NEGR1: variants seen among roughly 807,000 people sequenced by gnomAD.
The protein encoded by NEGR1 is neuronal growth regulator 1, also known as IgLON family member 4.
A neutral mutation model predicts 40.9 loss-of-function variants in NEGR1; 10 were observed. That is an observed-to-expected ratio of 0.24 (90% CI 0.15 to 0.42). The LOEUF is 0.42. Among genes scored for constraint, NEGR1 ranks in the 10% least tolerant of loss-of-function variants. The pLI is 1.00. For missense variants in NEGR1, 352 were observed against 438.9 expected (o/e 0.80, Z 1.77); for synonymous variants, 185 against 166.8 (o/e 1.11, Z -0.84).
rs996018396 is a variant in NEGR1 at position 71,978,369 on chromosome 1, T to C, written c.177-43058A>G. Among the ~76,000 whole-genome samples, 8 of 152,328 alleles carry C rather than the reference T, an allele frequency of 5.3e-5. No individual in the cohort carries two copies. In the South Asian group the frequency reaches 6.2e-4, roughly 12 times the overall value. ...TTATGTCATGATGCTAAAGTGTATCTCTTTATTTCTTATATTTATTTAATT... is the reference window on the plus strand; with the variant it reads ...TTATGTCATGATGCTAAAGTGTATCCCTTTATTTCTTATATTTATTTAATT... On this transcript the variant is annotated intron_variant, in intron 1 of 6. Transcript: ENST00000357731.
intron 6 of NEGR1, among the ~76,000 whole-genome samples, chr1:71,537,174 G>A (rs1459434948): frequency 6.6e-6 from 1 of 151,596 alleles, no homozygotes; most frequent in African/African-American, 2.4e-5. Context: ...ACAACTATGA[G>A]GTAGATATGA....
chr1:72,037,577 C>T (rs77304475), intron 1 of NEGR1, among the ~76,000 whole-genome samples: 2,086 of 152,188 alleles, frequency 0.014, 21 homozygotes, highest in Middle Eastern at 0.037. Flanking sequence ...CTATAACTGC[C>T]TTCGTTGTCA....
chr1:71,548,377 A>C (rs919760202), intron 6 of NEGR1, among the ~76,000 whole-genome samples: 2 of 151,608 alleles, frequency 1.3e-5, no homozygotes, highest in Non-Finnish European at 3.0e-5. Flanking sequence ...GGCACCCTCC[A>C]TGCTGCCACC....
chr1:72,009,656 C>T (rs1206497248), intron 1 of NEGR1, among the ~76,000 whole-genome samples: 3 of 152,012 alleles, frequency 2.0e-5, no homozygotes, highest in Admixed American at 2.0e-4. Flanking sequence ...AAAGGATTAT[C>T]CATTCAGGAT....
At chr1:71,920,077 A>G (rs2101881991) in intron 2 of NEGR1, among the ~76,000 whole-genome samples, 1 of 152,226 alleles carries the variant, frequency 6.6e-6, no homozygotes, top group South Asian at 2.1e-4. Flanking sequence ...ACTGCTCCCC[A>G]GAGTCCTCCA....
chr1:71,600,787 G>C (rs1433135616), intron 5 of NEGR1, among the ~76,000 whole-genome samples: 1 of 152,168 alleles, frequency 6.6e-6, no homozygotes, highest in Non-Finnish European at 1.5e-5. Context: ...ACACCGACAG[G>C]CTTCATACAT....
At chr1:72,044,787 A>G (rs1343510098) in intron 1 of NEGR1, among the ~76,000 whole-genome samples, 1 of 151,882 alleles carries the variant, frequency 6.6e-6, no homozygotes, top group African/African-American at 2.4e-5. Context: ...AAGGAAAATT[A>G]TCAGATGTAT....
Position 71,675,671 on chromosome 1 carries a change from G to A in NEGR1, c.667+22337C>T, listed in dbSNP as rs191829024. ...TTCAAAGAGATAGTTAGAAACTGAC[G>A]TGTACTACTAAGAGGAAACCAAACA... On this transcript the variant is annotated intron_variant, in intron 4 of 6. Coordinates refer to ENST00000357731, the MANE Select transcript of NEGR1 (RefSeq NM_173808.3). Among the ~76,000 whole-genome samples the A allele has an allele frequency of 2.2e-3, 339 of 152,166 alleles. 3 individuals carry two copies. The highest frequency in any genetic ancestry group is 0.019 in the Admixed American group (286 of 15,278).
intron 2 of NEGR1, among the ~76,000 whole-genome samples, chr1:71,790,081 G>A (rs966687869): frequency 6.6e-6 from 1 of 152,056 alleles, no homozygotes; most frequent in East Asian, 1.9e-4. Context: ...AACTACTTAC[G>A]AAGAAAGAAA....
At chr1:71,628,096 C>T (rs1318703562) in intron 4 of NEGR1, among the ~76,000 whole-genome samples, 1 of 152,014 alleles carries the variant, frequency 6.6e-6, no homozygotes, top group Non-Finnish European at 1.5e-5. Flanking sequence ...TTGAAAATTA[C>T]TTTCTATTTT....
At chr1:71,602,830 T>G (rs547307236) in intron 5 of NEGR1, among the ~76,000 whole-genome samples, 1 of 152,298 alleles carries the variant, frequency 6.6e-6, no homozygotes, top group South Asian at 2.1e-4. Context: ...TGACCCAATG[T>G]TTTCAATGTA....
chr1:72,146,720 C>A (rs1441648468), intron 1 of NEGR1, among the ~76,000 whole-genome samples: 1 of 152,130 alleles, frequency 6.6e-6, no homozygotes, highest in African/African-American at 2.4e-5. Context: ...GAATCAAATT[C>A]AGATACATTT....
intron 1 of NEGR1, among the ~76,000 whole-genome samples, chr1:72,119,102 C>T (rs1409208931): frequency 6.6e-6 from 1 of 151,816 alleles, no homozygotes; most frequent in Non-Finnish European, 1.5e-5. Context: ...TTATTTTCTT[C>T]ATCATGTTTC....
At chr1:71,563,676 CA>C (rs1648530636) in intron 6 of NEGR1, among the ~76,000 whole-genome samples, 2 of 151,756 alleles carry the variant, frequency 1.3e-5, no homozygotes, top group African/African-American at 4.8e-5. Flanking sequence ...TTGTTTTTAA[CA>C]GAAAGAAGTT....
chr1:72,085,223 T>C (rs1275482630), intron 1 of NEGR1, among the ~76,000 whole-genome samples: 1 of 152,214 alleles, frequency 6.6e-6, no homozygotes. Context: ...CATATATATA[T>C]ACATATGCAG....
At chr1:71,674,272 G>C (rs1241366862) in intron 4 of NEGR1, among the ~76,000 whole-genome samples, 3 of 152,064 alleles carry the variant, frequency 2.0e-5, no homozygotes, top group Non-Finnish European at 4.4e-5. Context: ...TTTTAAATAA[G>C]TCAAAGAATG....
chr1:71,491,216 A>C (rs551355129), intron 6 of NEGR1, among the ~76,000 whole-genome samples: 1 of 152,082 alleles, frequency 6.6e-6, no homozygotes, highest in South Asian at 2.1e-4. Context: ...AGTATTAGGC[A>C]TTATAAGTAG....
chr1:72,045,338 C>T (rs1466498217), intron 1 of NEGR1, among the ~76,000 whole-genome samples: 2 of 151,768 alleles, frequency 1.3e-5, no homozygotes, highest in East Asian at 3.9e-4. Flanking sequence ...ATCTGATTCT[C>T]ATGCACTTTT....
chr1:71,476,236 A>T (rs1309237885), intron 6 of NEGR1, among the ~76,000 whole-genome samples: 2 of 152,122 alleles, frequency 1.3e-5, no homozygotes, highest in African/African-American at 4.8e-5. Flanking sequence ...AAAGAATTTG[A>T]AGACCCCACT....
Sources: allele counts gnomAD v4.1 joint callset (sites outside exome capture counted in the v4.1 genomes callset), GRCh38; gene constraint gnomAD v4.1.1; transcripts MANE v1.5; gene names NCBI Gene and HGNC (gene_info 2026-07-23, HGNC 2026-07-21).